CSMD1: variants seen among roughly 807,000 people sequenced by gnomAD.
CSMD1 encodes CUB and Sushi multiple domains 1, also known as CUB and sushi domain-containing protein 1.
A neutral mutation model predicts 417.5 loss-of-function variants in CSMD1; 213 were observed. The ratio of observed to expected loss-of-function variants is 0.51; its 90% CI spans 0.46 to 0.57. The LOEUF is 0.57. Ranked by LOEUF, CSMD1 falls within the 20% of genes least tolerant of loss-of-function variation. The pLI is 0.00. For missense variants in CSMD1, 6,923 were observed against 4,529.7 expected, an observed-to-expected ratio of 1.53 and a Z score of -15.17; for synonymous variants, 2,862 against 1,736.8, an observed-to-expected ratio of 1.65 and a Z score of -16.11.
In CSMD1 at chr8:3,853,893, AC is replaced by A. The variant is rs1804099080; in HGVS notation, c.819-99852del. ...ATACTTTAATATATTAATATATTAT[AC>A]TTTAATATATTAATACATTAAAGTA... On this transcript the variant is annotated intron_variant, in intron 5 of 69. Transcript: ENST00000635120. Among the ~76,000 whole-genome samples the A allele has an allele frequency of 3.8e-4, 56 of 146,128 alleles. 1 individual carries two copies. The highest frequency in any genetic ancestry group is 4.7e-4 in the African/African-American group (19 of 40,222).
intron 5 of CSMD1, among the ~76,000 whole-genome samples, chr8:3,933,151 A>G: frequency 7.3e-6 from 1 of 136,264 alleles, no homozygotes; most frequent in Non-Finnish European, 1.6e-5. Context: ...TAATACATTT[A>G]TCTAAAGTCC....
At position 4,113,203 on chromosome 8, in the gene CSMD1, CA is replaced by C. The variant is rs1330791796; in HGVS notation, c.416-81105del. On this transcript the variant is annotated intron_variant, in intron 3 of 69. Coordinates refer to ENST00000635120, the MANE Select transcript of CSMD1 (RefSeq NM_033225.6). ...AGACACAACAATATTGAAATTCGGACAGTTAAAAATCCTACAGTGGCTCCTA... is the reference window on the plus strand; with the variant it reads ...AGACACAACAATATTGAAATTCGGACGTTAAAAATCCTACAGTGGCTCCTA... Among the ~76,000 whole-genome samples the C allele has an allele frequency of 7.2e-5, 11 of 152,088 alleles. 1 individual carries two copies. The highest frequency in any genetic ancestry group is 2.7e-4 in the African/African-American group (11 of 41,468).
chr8:4,058,625 A>T (rs1028193146), intron 3 of CSMD1, among the ~76,000 whole-genome samples: 1 of 150,900 alleles, frequency 6.6e-6, no homozygotes, highest in East Asian at 1.9e-4. Flanking sequence ...AAACAAAAAA[A>T]GGCAGGGGTT....
chr8:4,101,072 G>C (rs878928128), intron 3 of CSMD1, among the ~76,000 whole-genome samples: 1 of 152,162 alleles, frequency 6.6e-6, no homozygotes, highest in African/African-American at 2.4e-5. Flanking sequence ...AGACGAGACG[G>C]CGCTGGGTTC....
At chr8:4,125,181 GC>G (rs901617656) in intron 3 of CSMD1, among the ~76,000 whole-genome samples, 1 of 152,032 alleles carries the variant, frequency 6.6e-6, no homozygotes, top group African/African-American at 2.4e-5. Context: ...AACTCTTGGG[GC>G]CCCAAAATTA....
chr8:3,456,573 C>A (rs929017765), intron 12 of CSMD1, among the ~76,000 whole-genome samples: 1 of 152,120 alleles, frequency 6.6e-6, no homozygotes, highest in African/African-American at 2.4e-5. Context: ...GCATTACTTC[C>A]TACTATGCCA....
intron 2 of CSMD1, among the ~76,000 whole-genome samples, chr8:4,606,073 G>A (rs993927929): frequency 5.3e-5 from 8 of 152,124 alleles, no homozygotes; most frequent in Non-Finnish European, 8.8e-5. Flanking sequence ...AGGATGCGGT[G>A]GTGGGAGGCT....
chr8:3,907,101 T>C (rs1297277129), intron 5 of CSMD1, among the ~76,000 whole-genome samples: 1 of 152,228 alleles, frequency 6.6e-6, no homozygotes, highest in African/African-American at 2.4e-5. Flanking sequence ...TCAAAATCCC[T>C]TCTTCTTCGG....
intron 66 of CSMD1, among the ~76,000 whole-genome samples, chr8:2,950,723 T>C (rs1802569314): frequency 6.6e-6 from 1 of 152,194 alleles, no homozygotes; most frequent in Non-Finnish European, 1.5e-5. Context: ...GTGCTTAAAA[T>C]AGTGTTTGCC....
At chr8:3,931,904 GAA>G (rs749093840) in intron 5 of CSMD1, among the ~76,000 whole-genome samples, 16 of 125,226 alleles carry the variant, frequency 1.3e-4, no homozygotes, top group African/African-American at 4.7e-4. Flanking sequence ...AAAAGAAACA[GAA>G]AAAAAAAAAA....
chr8:4,969,598 G>A (rs1320668740), intron 1 of CSMD1, among the ~76,000 whole-genome samples: 2 of 151,700 alleles, frequency 1.3e-5, no homozygotes, highest in Admixed American at 1.3e-4. Flanking sequence ...CAAAAAGCCA[G>A]GTTTTATTCA....
intron 3 of CSMD1, among the ~76,000 whole-genome samples, chr8:4,291,415 T>C (rs1202847022): frequency 6.6e-6 from 1 of 152,126 alleles, no homozygotes; most frequent in Non-Finnish European, 1.5e-5. Context: ...ATAATTAAAA[T>C]ACAACCTCCA....
chr8:3,875,412 T>C (rs1399952603), intron 5 of CSMD1, among the ~76,000 whole-genome samples: 4 of 152,022 alleles, frequency 2.6e-5, no homozygotes, highest in African/African-American at 4.8e-5. Flanking sequence ...AAGTTATGGA[T>C]TGGAGGAGTT....
chr8:3,203,630 G>A (rs1797104368), intron 31 of CSMD1, among the ~76,000 whole-genome samples: 1 of 152,118 alleles, frequency 6.6e-6, no homozygotes, highest in South Asian at 2.1e-4. Flanking sequence ...AACAAACAGG[G>A]GGATTGGAAT....
At chr8:4,165,173 C>A (rs1346030035) in intron 3 of CSMD1, among the ~76,000 whole-genome samples, 4 of 152,144 alleles carry the variant, frequency 2.6e-5, no homozygotes, top group Non-Finnish European at 4.4e-5. Context: ...ATGATACCTA[C>A]GCCTAGCCAG....
intron 5 of CSMD1, among the ~76,000 whole-genome samples, chr8:3,780,883 G>T (rs140264533): frequency 6.6e-6 from 1 of 152,294 alleles, no homozygotes; most frequent in African/African-American, 2.4e-5. Flanking sequence ...TGCAGAGTGT[G>T]GAAGGGGTTT....
intron 33 of CSMD1, among the ~76,000 whole-genome samples, chr8:3,192,432 G>A (rs138129355): frequency 1.3e-5 from 2 of 152,262 alleles, no homozygotes; most frequent in Admixed American, 1.3e-4. Context: ...CACATAGTCT[G>A]ATACACCTTC....
chr8:3,516,119 A>G (rs1355797364), intron 10 of CSMD1, among the ~76,000 whole-genome samples: 2 of 152,210 alleles, frequency 1.3e-5, no homozygotes, highest in African/African-American at 4.8e-5. Flanking sequence ...TCACAGAAAG[A>G]GGAGGAACAG....
chr8:4,672,187 A>C (rs899371505), intron 1 of CSMD1, among the ~76,000 whole-genome samples: 11 of 152,234 alleles, frequency 7.2e-5, no homozygotes, highest in Non-Finnish European at 1.6e-4. Flanking sequence ...AGTGTCCTGG[A>C]ACCTCAGGAA....
Sources: allele counts gnomAD v4.1 joint callset (sites outside exome capture counted in the v4.1 genomes callset), GRCh38; gene constraint gnomAD v4.1.1; transcripts MANE v1.5; gene names NCBI Gene and HGNC (gene_info 2026-07-23, HGNC 2026-07-21).